The following ADARB2 variants were observed in gnomAD, a reference collection of about 807,000 sequenced individuals.
ADARB2 encodes adenosine deaminase RNA specific B2 (inactive).
A neutral mutation model predicts 62.2 loss-of-function variants in ADARB2; 25 were observed. The ratio of observed to expected loss-of-function variants is 0.40; its 90% CI spans 0.29 to 0.56. The LOEUF is 0.56. Ranked by LOEUF, ADARB2 falls within the 20% of genes least tolerant of loss-of-function variation. The pLI, the probability that ADARB2 is intolerant of heterozygous loss-of-function variation, is 0.43. For synonymous variants in ADARB2, 572 were observed against 500.8 expected (o/e 1.14, Z -1.90); for missense variants, 1,071 against 1,077.4 (o/e 0.99, Z 0.08).
chr10:1,395,524 G>A (rs1023625925), intron 1 of ADARB2, among the ~76,000 whole-genome samples: 3 of 152,220 alleles, frequency 2.0e-5, no homozygotes, highest in African/African-American at 7.2e-5. Flanking sequence ...CCAGGGGGCA[G>A]TGATGGGCCG....
chr10:1,191,902 G>A (rs182435880), intron 8 of ADARB2, among the ~76,000 whole-genome samples: 3 of 152,244 alleles, frequency 2.0e-5, no homozygotes, highest in East Asian at 1.9e-4. Context: ...TGTGGCTTCC[G>A]ACAAGTGAAT....
chr10:1,458,795 T>C (rs1477605396), intron 1 of ADARB2, among the ~76,000 whole-genome samples: 1 of 152,238 alleles, frequency 6.6e-6, no homozygotes, highest in Non-Finnish European at 1.5e-5. Context: ...TTTTTCCTCA[T>C]GTGTACATTT....
intron 1 of ADARB2, among the ~76,000 whole-genome samples, chr10:1,382,326 T>C (rs1227854623): frequency 6.6e-6 from 1 of 152,194 alleles, no homozygotes; most frequent in East Asian, 1.9e-4. Context: ...GCCAGCAGAA[T>C]TGCTAACACT....
chr10:1,401,430 CG>C (rs1408874432), intron 1 of ADARB2, among the ~76,000 whole-genome samples: 1 of 152,186 alleles, frequency 6.6e-6, no homozygotes, highest in Non-Finnish European at 1.5e-5. Flanking sequence ...TCACAGCACA[CG>C]GGTACCCCCG....
intron 3 of ADARB2, among the ~76,000 whole-genome samples, chr10:1,286,522 T>C (rs1420073611): frequency 6.6e-6 from 1 of 152,184 alleles, no homozygotes; most frequent in Non-Finnish European, 1.5e-5. Flanking sequence ...GGATGGCAAA[T>C]TTGAGTGAAG....
chr10:1,628,604 C>A (rs571398465), intron 1 of ADARB2, among the ~76,000 whole-genome samples: 1 of 152,138 alleles, frequency 6.6e-6, no homozygotes, highest in Admixed American at 6.5e-5. Flanking sequence ...GTCTAGGGTC[C>A]CTGTTTCATT....
At chr10:1,719,155 G>A (rs527368838) in intron 1 of ADARB2, among the ~76,000 whole-genome samples, 1 of 152,068 alleles carries the variant, frequency 6.6e-6, no homozygotes, top group Non-Finnish European at 1.5e-5. Flanking sequence ...GTAGAAACAG[G>A]GTTTCACCAT....
intron 1 of ADARB2, among the ~76,000 whole-genome samples, chr10:1,714,877 G>C (rs1460455696): frequency 3.3e-5 from 5 of 152,156 alleles, no homozygotes; most frequent in African/African-American, 9.7e-5. Flanking sequence ...TATACTTTAA[G>C]TTTTAGGGTA....
At chr10:1,358,621 G>A (rs1457589325) in intron 3 of ADARB2, among the ~76,000 whole-genome samples, 1 of 116,624 alleles carries the variant, frequency 8.6e-6, no homozygotes, top group African/African-American at 3.6e-5. Context: ...AGGCTGTGTG[G>A]CAAATGGAAA....
intron 1 of ADARB2, among the ~76,000 whole-genome samples, chr10:1,723,835 A>C (rs1021410388): frequency 6.6e-6 from 1 of 152,180 alleles, no homozygotes; most frequent in Non-Finnish European, 1.5e-5. Context: ...TTCAATTCCA[A>C]AAGTATTTCT....
chr10:1,524,174 A>C (rs530090925), intron 1 of ADARB2, among the ~76,000 whole-genome samples: 1 of 152,304 alleles, frequency 6.6e-6, no homozygotes, highest in South Asian at 2.1e-4. Context: ...AAAATTTTGT[A>C]GGAGAGTCTG....
At chr10:1,482,579 C>G (rs950526259) in intron 1 of ADARB2, among the ~76,000 whole-genome samples, 1 of 152,142 alleles carries the variant, frequency 6.6e-6, no homozygotes, top group African/African-American at 2.4e-5. Context: ...TGAAATGGTT[C>G]TATGGGTGGA....
intron 3 of ADARB2, among the ~76,000 whole-genome samples, chr10:1,281,802 C>G (rs548657865): frequency 2.0e-5 from 3 of 152,312 alleles, no homozygotes; most frequent in South Asian, 2.1e-4. Flanking sequence ...ATCTCCTCCT[C>G]TATAATCCTT....
chr10:1,298,325 G>T (rs1831541539), intron 3 of ADARB2, among the ~76,000 whole-genome samples: 1 of 152,112 alleles, frequency 6.6e-6, no homozygotes, highest in Non-Finnish European at 1.5e-5. Context: ...ATGTTTTTTT[G>T]CCAAGGAAGG....
intron 1 of ADARB2, among the ~76,000 whole-genome samples, chr10:1,395,674 C>G (rs929681911): frequency 2.6e-5 from 4 of 152,188 alleles, no homozygotes; most frequent in Non-Finnish European, 5.9e-5. Flanking sequence ...ATCCCTGCGA[C>G]GCAGACCATC....
At chr10:1,212,916 T>G (rs567559723) in intron 7 of ADARB2, among the ~76,000 whole-genome samples, 18 of 152,172 alleles carry the variant, frequency 1.2e-4, no homozygotes, top group African/African-American at 4.3e-4. Context: ...GATGAGCCCT[T>G]GGAGGTCAGA....
intron 1 of ADARB2, among the ~76,000 whole-genome samples, chr10:1,509,204 C>T (rs180687961): frequency 1.4e-3 from 217 of 152,264 alleles, no homozygotes; most frequent in Non-Finnish European, 1.9e-3. Flanking sequence ...GTAAAATGAT[C>T]AATCTCTTTG....
intron 1 of ADARB2, among the ~76,000 whole-genome samples, chr10:1,608,425 G>A (rs1833521332): frequency 6.6e-6 from 1 of 151,650 alleles, no homozygotes; most frequent in African/African-American, 2.4e-5. Flanking sequence ...CTCTATCTTC[G>A]GGGACCATTG....
intron 1 of ADARB2, among the ~76,000 whole-genome samples, chr10:1,486,663 CA>C (rs1831546234): frequency 6.6e-6 from 1 of 152,018 alleles, no homozygotes; most frequent in Non-Finnish European, 1.5e-5. Flanking sequence ...CAAGAAAAAG[CA>C]GGGGTGCAAA....
Sources: gnomAD v4.1 joint callset for allele counts (sites outside exome capture counted in the v4.1 genomes callset) on GRCh38, gnomAD v4.1.1 for gene constraint, MANE v1.5 for transcripts, NCBI Gene and HGNC (gene_info 2026-07-23, HGNC 2026-07-21) for gene names.